TANC1: variants seen among roughly 807,000 people sequenced by gnomAD.
TANC1 encodes tetratricopeptide repeat, ankyrin repeat and coiled-coil containing 1, also known as protein TANC1.
A neutral mutation model predicts 149.7 loss-of-function variants in TANC1; 77 were observed. That is an observed-to-expected ratio of 0.51 (90% CI 0.43 to 0.62). The LOEUF is 0.62. TANC1 is among the 20% of genes least tolerant of loss of function. The probability of loss-of-function intolerance (pLI) is 0.00; values close to 1 mark genes in which losing one functional copy is unlikely to be tolerated. For missense variants in TANC1, 1,985 were observed against 2,321.8 expected (o/e 0.85, Z 2.98); for synonymous variants, 854 against 925.0 (o/e 0.92, Z 1.39).
chr2:159,040,651 G>A (rs953626480), intron 2 of TANC1, among the ~76,000 whole-genome samples: 4 of 152,160 alleles, frequency 2.6e-5, no homozygotes, highest in African/African-American at 9.7e-5. Flanking sequence ...ATTCTAGTTA[G>A]CCATTCGTCT....
chr2:158,997,790 T>C (rs1036338710), intron 1 of TANC1, among the ~76,000 whole-genome samples: 2 of 152,196 alleles, frequency 1.3e-5, no homozygotes, highest in African/African-American at 2.4e-5. Context: ...ATCTTCCTTA[T>C]AGAAGAATTT....
rs2034167556 is a variant in TANC1 at position 158,980,444 on chromosome 2, A to G, written c.-126+11662A>G. Among the ~76,000 whole-genome samples, 4 of 152,090 alleles carry G rather than the reference A, an allele frequency of 2.6e-5. No individual in the cohort carries two copies. The South Asian group carries it at 6.2e-4, about 24-fold the overall frequency. ...TAGGACTTAAAAAAATCACCACCCC[A>G]TTATCACTTTTAATACAATTAACAA... is the stretch of plus-strand genomic sequence containing the variant. On this transcript the variant is annotated intron_variant, in intron 1 of 26. Transcript: ENST00000263635.
chr2:159,031,364 C>T (rs1261457163), intron 2 of TANC1, among the ~76,000 whole-genome samples: 1 of 152,236 alleles, frequency 6.6e-6, no homozygotes, highest in African/African-American at 2.4e-5. Context: ...GATGTCCTGA[C>T]AGCCTAGACC....
At chr2:159,106,630 A>G (rs1383202697) in intron 4 of TANC1, among the ~76,000 whole-genome samples, 1 of 152,204 alleles carries the variant, frequency 6.6e-6, no homozygotes, top group African/African-American at 2.4e-5. Flanking sequence ...TAAAGCTGCA[A>G]TCAGCTTTTG....
At chr2:159,217,148 G>C (rs59173591) in intron 19 of TANC1, among the ~76,000 whole-genome samples, 6,135 of 152,216 alleles carry the variant, frequency 0.04, 394 homozygotes, top group African/African-American at 0.14. Context: ...CTGGCTGTCT[G>C]CTGGGAGCCC....
At chr2:158,982,729 T>C (rs1348848966) in intron 1 of TANC1, among the ~76,000 whole-genome samples, 1 of 152,232 alleles carries the variant, frequency 6.6e-6, no homozygotes, top group African/African-American at 2.4e-5. Flanking sequence ...TGCCTTAGCC[T>C]CCCCAAGAGC....
chr2:159,174,641 G>C (rs1446709795), intron 11 of TANC1, among the ~76,000 whole-genome samples: 1 of 152,222 alleles, frequency 6.6e-6, no homozygotes, highest in African/African-American at 2.4e-5. Flanking sequence ...GCTTGGAGCT[G>C]CTGTAAGCCA....
intron 4 of TANC1, among the ~76,000 whole-genome samples, chr2:159,105,661 A>T (rs2047110168): frequency 6.6e-6 from 1 of 152,220 alleles, no homozygotes; most frequent in Admixed American, 6.5e-5. Context: ...ACCAACAGTA[A>T]CACATTTGCC....
At chr2:159,024,202 T>C (rs2039065609) in intron 2 of TANC1, among the ~76,000 whole-genome samples, 1 of 152,214 alleles carries the variant, frequency 6.6e-6, no homozygotes, top group Non-Finnish European at 1.5e-5. Flanking sequence ...GTGTATGCAA[T>C]GGCAGTCCCG....
intron 3 of TANC1, among the ~76,000 whole-genome samples, chr2:159,092,177 CCACTTCAGT>C (rs2045626670): frequency 6.6e-6 from 1 of 152,228 alleles, no homozygotes; most frequent in African/African-American, 2.4e-5. Context: ...CCCACCTCAG[CCACTTCAGT>C]GGCACAATAA....
chr2:159,121,402 T>G (rs1013020945), intron 4 of TANC1, among the ~76,000 whole-genome samples: 1 of 152,094 alleles, frequency 6.6e-6, no homozygotes, highest in African/African-American at 2.4e-5. Flanking sequence ...GGTGCAATCT[T>G]CGCTTACTGC....
At chr2:159,179,706 C>G (rs1353378258) in intron 14 of TANC1, among the ~76,000 whole-genome samples, 2 of 152,216 alleles carry the variant, frequency 1.3e-5, no homozygotes, top group Non-Finnish European at 2.9e-5. Flanking sequence ...ACACCCTTCA[C>G]CCTTTGTGGA....
chr2:159,223,919 A>G (rs989064131), intron 22 of TANC1, among the ~76,000 whole-genome samples: 2 of 152,166 alleles, frequency 1.3e-5, no homozygotes, highest in African/African-American at 2.4e-5. Flanking sequence ...AAAGGTGACT[A>G]TGTCCCGTCT....
intron 7 of TANC1, among the ~76,000 whole-genome samples, chr2:159,153,573 G>A (rs949533937): frequency 1.3e-5 from 2 of 152,212 alleles, no homozygotes; most frequent in East Asian, 1.9e-4. Flanking sequence ...CTGTTGCCAA[G>A]GGACACGCTG....
intron 2 of TANC1, among the ~76,000 whole-genome samples, chr2:159,020,145 T>C (rs1023511559): frequency 6.6e-6 from 1 of 152,096 alleles, no homozygotes; most frequent in African/African-American, 2.4e-5. Flanking sequence ...TGAGATGGAG[T>C]CTCGTTCTAT....
chr2:159,091,074 C>T (rs183871261), intron 3 of TANC1, among the ~76,000 whole-genome samples: 11 of 151,748 alleles, frequency 7.2e-5, no homozygotes, highest in African/African-American at 2.7e-4. Context: ...CAGTACTGTG[C>T]GTAGACCTAC....
At chr2:159,028,744 G>A (rs928633221) in intron 2 of TANC1, among the ~76,000 whole-genome samples, 4 of 152,212 alleles carry the variant, frequency 2.6e-5, no homozygotes, top group Admixed American at 2.0e-4. Flanking sequence ...CTGCTTCTAT[G>A]AGTTTGATTA....
intron 19 of TANC1, among the ~76,000 whole-genome samples, chr2:159,206,500 G>A (rs911797366): frequency 2.0e-5 from 3 of 152,164 alleles, no homozygotes; most frequent in African/African-American, 7.2e-5. Context: ...GAAACCCAGG[G>A]GTGGTGTCTC....
At chr2:159,154,849 C>T (rs1304937527) in intron 7 of TANC1, among the ~76,000 whole-genome samples, 1 of 152,172 alleles carries the variant, frequency 6.6e-6, no homozygotes, top group Admixed American at 6.5e-5. Context: ...TGAAACCCAA[C>T]TGTACCCAAT....
Sources: gnomAD v4.1 joint callset for allele counts (sites outside exome capture counted in the v4.1 genomes callset) on GRCh38, gnomAD v4.1.1 for gene constraint, MANE v1.5 for transcripts, NCBI Gene and HGNC (gene_info 2026-07-23, HGNC 2026-07-21) for gene names.